Variants in ABCB1 observed in about 807,000 individuals in gnomAD.
The protein encoded by ABCB1 is ATP-dependent translocase ABCB1.
In ABCB1, 69 loss-of-function variants were observed where a neutral mutation model predicts 142.0. The observed-to-expected ratio is 0.49, with a 90% CI of 0.40 to 0.59. The LOEUF (loss-of-function observed/expected upper bound fraction) is 0.59, where lower values mean the gene tolerates loss of function less well. Among genes scored for constraint, ABCB1 ranks in the 20% least tolerant of loss-of-function variants. ABCB1 has a pLI of 0.00. For synonymous variants in ABCB1, 532 were observed against 539.2 expected (o/e 0.99, Z 0.18); for missense variants, 1,326 against 1,554.7 (o/e 0.85, Z 2.47).
intron 8 of ABCB1, 58 bp from the exon 9 acceptor site, chr7:87,553,990 C>T: frequency 6.7e-7 from 1 of 1,501,690 alleles, no homozygotes; most frequent in Non-Finnish European, 9.2e-7. Context: ...GTCGATATAG[C>T]ATGATAGTTA....
Position 87,521,858 on chromosome 7 carries a change from T to G in ABCB1, c.2686-982A>C, listed in dbSNP as rs909356146. On this transcript the variant is annotated intron_variant, in intron 21 of 27. Coordinates refer to ENST00000622132, the MANE Select transcript of ABCB1 (RefSeq NM_001348946.2). ...TTTGAATAGTATGGAAAAATTGAAG[T>G]GATTGAAATCATGACTGACCAAGGC... The G allele has an allele frequency of 4.3e-5, 33 of 772,920 alleles. No individual in the cohort carries two copies. The African/African-American group carries it at 4.6e-4, about 11-fold the overall frequency. 47.9% of individuals were successfully genotyped at this position (772,920 alleles called of 1,614,324 possible).
At chr7:87,599,547 C>T (rs1000211258) in intron 2 of ABCB1, among the ~76,000 whole-genome samples, 1 of 152,078 alleles carries the variant, frequency 6.6e-6, no homozygotes, top group South Asian at 2.1e-4. Context: ...ATATGAGCAT[C>T]CGCCTGTCTG....
At chr7:87,642,868 C>G (rs893967375) in intron 1 of ABCB1, among the ~76,000 whole-genome samples, 7 of 151,978 alleles carry the variant, frequency 4.6e-5, no homozygotes, top group African/African-American at 1.2e-4. Context: ...TTTGACAGTA[C>G]AGATTGAGAA....
In ABCB1 at chr7:87,570,064, G is replaced by C. The variant is rs148981582; in HGVS notation, c.338+108C>G. ...TATACTCTTCTAAAAACTATCAAGA[G>C]TATTGTTCTCCTTAAAATTTCTGTG... On this transcript the variant is annotated intron_variant, in intron 5 of 27. Coordinates refer to ENST00000622132, the MANE Select transcript of ABCB1 (RefSeq NM_001348946.2). The C allele has an allele frequency of 1.8e-5, 18 of 974,816 alleles. No homozygotes were observed. In the East Asian group the frequency reaches 2.2e-4, roughly 12 times the overall value. 60.4% of individuals were successfully genotyped at this position (974,816 alleles called of 1,614,324 possible).
intron 1 of ABCB1, among the ~76,000 whole-genome samples, chr7:87,629,994 T>C (rs1410852047): frequency 1.3e-5 from 2 of 152,128 alleles, no homozygotes; most frequent in East Asian, 3.8e-4. Flanking sequence ...TGCTGATATA[T>C]TTTCTTTAAG....
At chr7:87,530,674 A>C (rs532076329) in intron 21 of ABCB1, among the ~76,000 whole-genome samples, 1 of 152,160 alleles carries the variant, frequency 6.6e-6, no homozygotes, top group South Asian at 2.1e-4. Flanking sequence ...GTAATTTAAA[A>C]CAGATATAAT....
rs139374078 is a variant in ABCB1, at chr7:87,659,367, T to A, written c.-331+53794A>T. The A allele has an allele frequency of 5.8e-3, 1,655 of 285,502 alleles. 29 individuals are homozygous for A. Among genetic ancestry groups the A allele is most frequent in the African/African-American group, 0.035 (1,540 of 43,912 alleles). The allele number at this position is 285,502 out of a possible 1,614,324, so 17.7% of individuals were successfully genotyped here. On this transcript the variant is annotated intron_variant, in intron 1 of 28. Transcript: ENST00000265724. ...ATTCCATTTTTATTTATATTGTTTTTTAGTGTATCTCTTTATATAGATTTT... is the reference window on the plus strand; with the variant it reads ...ATTCCATTTTTATTTATATTGTTTTATAGTGTATCTCTTTATATAGATTTT...
chr7:87,546,169 T>C, intron 14 of ABCB1, 145 bp from the exon 15 acceptor site: 1 of 719,690 alleles, frequency 1.4e-6, no homozygotes, highest in Middle Eastern at 2.5e-4. Flanking sequence ...TCAATAAATG[T>C]ATAGACAATT....
intron 17 of ABCB1, among the ~76,000 whole-genome samples, chr7:87,543,242 C>T (rs776679095): frequency 8.6e-5 from 13 of 151,996 alleles, no homozygotes; most frequent in African/African-American, 2.4e-4. Context: ...TGCAGTGAGC[C>T]GAGTTCGCAC....
At chr7:87,661,261 A>G (rs1824685771) in intron 1 of ABCB1, among the ~76,000 whole-genome samples, 1 of 151,956 alleles carries the variant, frequency 6.6e-6, no homozygotes, top group Admixed American at 6.6e-5. Context: ...TGCATTACAA[A>G]CAATTCAATT....
In ABCB1 at chr7:87,595,848, A is replaced by T. The variant is rs755620360; in HGVS notation, c.69-34T>A. 5 of 1,549,800 alleles carry T rather than the reference A, an allele frequency of 3.2e-6. No homozygotes were observed. In the South Asian group the frequency reaches 5.6e-5, roughly 17 times the overall value. On this transcript the variant is annotated intron_variant, in intron 2 of 27. Transcript: ENST00000622132. ...CAGCAATGGAATTACATAAAACTTT[A>T]AAAAGTACATATTTTTTAAATTACC... is the stretch of plus-strand genomic sequence containing the variant.
chr7:87,650,551 A>G lies in ABCB1; in HGVS notation c.-330-49473T>C, dbSNP rs1823474555. Among the ~76,000 whole-genome samples, 3 of 152,098 alleles carry G rather than the reference A, an allele frequency of 2.0e-5. No homozygotes were observed. In the South Asian group the frequency reaches 6.2e-4, roughly 32 times the overall value. Reference sequence around the variant, plus strand: ...CCTCCCAAAGGCACCCACCCTTAATACTATTGCTTTGGAGATTAGGTATCA... The same window carrying G: ...CCTCCCAAAGGCACCCACCCTTAATGCTATTGCTTTGGAGATTAGGTATCA... On this transcript the variant is annotated intron_variant, in intron 1 of 28. Coordinates refer to the ABCB1 transcript ENST00000265724.
chr7:87,521,142 C>A lies in ABCB1; in HGVS notation c.2686-266G>T, dbSNP rs1274179886. The stretch of plus-strand genomic sequence containing the variant: ...TATGGCATTGCTTAAAGCCACACAG[C>A]TTTACGTGGCTTCGCAAAATTAACC... On this transcript the variant is annotated intron_variant, in intron 21 of 27. Coordinates refer to ENST00000622132, the MANE Select transcript of ABCB1 (RefSeq NM_001348946.2). 1.3e-5 allele frequency: 6 copies of A among 447,534 alleles called. No individual in the cohort carries two copies. In the East Asian group the frequency reaches 2.7e-4, roughly 20 times the overall value. 27.7% of individuals were successfully genotyped at this position (447,534 alleles called of 1,614,324 possible).
At chr7:87,646,035 A>AT (rs1469947562) in intron 1 of ABCB1, among the ~76,000 whole-genome samples, 1 of 152,146 alleles carries the variant, frequency 6.6e-6, no homozygotes, top group Non-Finnish European at 1.5e-5. Flanking sequence ...AATCATAGAA[A>AT]TTGTGTCTAA....
chr7:87,691,715 T>C (rs1396644718), intron 1 of ABCB1, among the ~76,000 whole-genome samples: 1 of 152,216 alleles, frequency 6.6e-6, no homozygotes, highest in African/African-American at 2.4e-5. Flanking sequence ...CATGTTTCAC[T>C]ACCTCATGTT....
chr7:87,679,070 T>C lies in ABCB1; in HGVS notation c.-331+34091A>G, dbSNP rs942494441. Among the ~76,000 whole-genome samples, 2 of 134,722 alleles carry C rather than the reference T, an allele frequency of 1.5e-5. 1 individual carries two copies. The highest frequency in any genetic ancestry group is 5.9e-5 in the African/African-American group (2 of 34,070). 88.4% of individuals were successfully genotyped at this position (134,722 alleles called of 152,430 possible). On this transcript the variant is annotated intron_variant, in intron 1 of 28. Transcript: ENST00000265724. The stretch of plus-strand genomic sequence containing the variant: ...TGGCAATATTATCAGCCAACTGACA[T>C]TTATAAAACACCCCAACTTTTTTTT...
rs996292764 is a variant in ABCB1 at position 87,549,570 on chromosome 7, C to T, written c.1555-52G>A. On this transcript the variant is annotated intron_variant, in intron 13 of 27. Transcript: ENST00000622132. Reference sequence around the variant, plus strand: ...AGCATAAGGACAAGCTATCTCAGCTCATATTTTAAATTGGTAAGGAATCCT... The same window carrying T: ...AGCATAAGGACAAGCTATCTCAGCTTATATTTTAAATTGGTAAGGAATCCT... 3 of 1,613,058 alleles carry T rather than the reference C, an allele frequency of 1.9e-6. No homozygotes were observed. The African/African-American group carries it at 4.0e-5, about 22-fold the overall frequency.
intron 4 of ABCB1, among the ~76,000 whole-genome samples, chr7:87,573,498 C>T (rs926990230): frequency 2.7e-4 from 41 of 152,152 alleles, no homozygotes; most frequent in African/African-American, 8.9e-4. Flanking sequence ...GTTCAAGTCC[C>T]CATCATTTCT....
At chr7:87,676,427 G>A (rs138661878) in intron 1 of ABCB1, among the ~76,000 whole-genome samples, 4 of 152,034 alleles carry the variant, frequency 2.6e-5, no homozygotes, top group East Asian at 1.9e-4. Context: ...GAGGCCAGGC[G>A]CAGTGGCTCA....
Sources: allele counts gnomAD v4.1 joint callset (sites outside exome capture counted in the v4.1 genomes callset), GRCh38; gene constraint gnomAD v4.1.1; transcripts MANE v1.5; gene names NCBI Gene and HGNC (gene_info 2026-07-23, HGNC 2026-07-21).